Variants in AGBL1 observed in about 807,000 individuals in gnomAD.
AGBL1 encodes cytosolic carboxypeptidase 4.
A neutral mutation model predicts 118.9 loss-of-function variants in AGBL1; 130 were observed. The ratio of observed to expected loss-of-function variants is 1.09; its 90% CI spans 0.95 to 1.26. The LOEUF (loss-of-function observed/expected upper bound fraction) is 1.26. Ranked by LOEUF, AGBL1 falls within the 50% of genes most tolerant of loss-of-function variation. AGBL1 has a pLI of 0.00. For missense variants in AGBL1, 1,584 were observed against 1,298.1 expected (o/e 1.22, Z -3.38); for synonymous variants, 555 against 478.9 (o/e 1.16, Z -2.08).
chr15:86,598,464 G>T (rs905003509), intron 21 of AGBL1, among the ~76,000 whole-genome samples: 1 of 152,034 alleles, frequency 6.6e-6, no homozygotes, highest in Non-Finnish European at 1.5e-5. Context: ...TTTGATCCAA[G>T]TGCAAAATCA....
chr15:86,359,387 CTT>C (rs56189861), intron 17 of AGBL1, among the ~76,000 whole-genome samples: 23 of 93,782 alleles, frequency 2.5e-4, no homozygotes, highest in African/African-American at 8.5e-4. Context: ...TATTGGTTTT[CTT>C]TTTTTTTTTT....
At chr15:86,164,491 G>T (rs16948824) in intron 5 of AGBL1, among the ~76,000 whole-genome samples, 68,548 of 151,950 alleles carry the variant, frequency 0.45, 16,444 homozygotes, top group African/African-American at 0.61. Flanking sequence ...CACTTTCTGC[G>T]GGAGGCTGTC....
At chr15:86,880,815 C>G (rs1222108830) in intron 22 of AGBL1, among the ~76,000 whole-genome samples, 2 of 151,964 alleles carry the variant, frequency 1.3e-5, no homozygotes, top group Non-Finnish European at 2.9e-5. Flanking sequence ...ATAGGGACAT[C>G]AAAACACACA....
chr15:86,530,820 C>G (rs1596232518), intron 19 of AGBL1, among the ~76,000 whole-genome samples: 1 of 120,046 alleles, frequency 8.3e-6, no homozygotes, highest in Non-Finnish European at 1.7e-5. Context: ...CAAAGCCGCT[C>G]AACTACATGG....
At chr15:86,583,541 A>G (rs940426842) in intron 21 of AGBL1, among the ~76,000 whole-genome samples, 2 of 152,134 alleles carry the variant, frequency 1.3e-5, no homozygotes, top group African/African-American at 2.4e-5. Context: ...GTGGTATTCA[A>G]TGGTGTATAT....
chr15:87,025,305 C>T (rs2081714651), intron 24 of AGBL1, among the ~76,000 whole-genome samples: 1 of 151,982 alleles, frequency 6.6e-6, no homozygotes, highest in Non-Finnish European at 1.5e-5. Flanking sequence ...AATTAATGTA[C>T]ACAAATCAGT....
intron 16 of AGBL1, among the ~76,000 whole-genome samples, chr15:86,282,808 C>T (rs893826931): frequency 6.6e-6 from 1 of 152,096 alleles, no homozygotes; most frequent in Non-Finnish European, 1.5e-5. Context: ...GGGGGTTATG[C>T]TGAGGGGTAG....
chr15:86,454,490 G>T (rs1313466362), intron 18 of AGBL1, among the ~76,000 whole-genome samples: 1 of 152,106 alleles, frequency 6.6e-6, no homozygotes, highest in Non-Finnish European at 1.5e-5. Flanking sequence ...AAACTGAGAA[G>T]TCACCAAATA....
intron 22 of AGBL1, among the ~76,000 whole-genome samples, chr15:86,901,423 G>C (rs2080210422): frequency 6.6e-6 from 1 of 151,906 alleles, no homozygotes; most frequent in African/African-American, 2.4e-5. Context: ...AATTGTTGCA[G>C]GTGCTCTATT....
At chr15:86,251,315 A>G (rs2078812157) in intron 7 of AGBL1, among the ~76,000 whole-genome samples, 1 of 152,300 alleles carries the variant, frequency 6.6e-6, no homozygotes, top group East Asian at 1.9e-4. Flanking sequence ...TTGAGCATGC[A>G]TCAGAGTCAC....
intron 22 of AGBL1, among the ~76,000 whole-genome samples, chr15:86,902,898 T>G (rs1036495612): frequency 8.3e-4 from 127 of 152,174 alleles, no homozygotes; most frequent in African/African-American, 2.9e-3. Flanking sequence ...TTCTTTGGCT[T>G]TATCTGTTTG....
chr15:86,275,589 C>T (rs558476450), intron 15 of AGBL1, among the ~76,000 whole-genome samples: 33 of 152,298 alleles, frequency 2.2e-4, no homozygotes, highest in African/African-American at 6.3e-4. Context: ...AACCTGAGTT[C>T]GTAACTATGC....
intron 5 of AGBL1, among the ~76,000 whole-genome samples, chr15:86,203,233 C>G (rs574175120): frequency 6.6e-6 from 1 of 152,016 alleles, no homozygotes; most frequent in East Asian, 1.9e-4. Flanking sequence ...GGTACAGATT[C>G]GTTTTTGAAA....
intron 22 of AGBL1, among the ~76,000 whole-genome samples, chr15:86,795,833 AC>A (rs2078562642): frequency 6.7e-6 from 1 of 150,354 alleles, no homozygotes; most frequent in African/African-American, 2.4e-5. Flanking sequence ...TGATCCACCC[AC>A]CCCAGCCCCG....
At chr15:86,725,199 A>G (rs2086800876) in intron 22 of AGBL1, among the ~76,000 whole-genome samples, 1 of 152,256 alleles carries the variant, frequency 6.6e-6, no homozygotes. Context: ...GACAAGCTAC[A>G]GGAGAACAAA....
rs539792393 is a variant in AGBL1, at chr15:86,535,001, C to T, written c.2686-11001C>T. 3.9e-5 allele frequency among the ~76,000 whole-genome samples: 6 copies of T among 152,224 alleles called. No homozygotes were observed. In the South Asian group the frequency reaches 6.2e-4, roughly 16 times the overall value. ...CATTGAACTATATATTCAGGATCTG[C>T]GTTTTTCACTCTAGGTACACATTTA... On this transcript the variant is annotated intron_variant, in intron 19 of 22. Transcript: ENST00000614907.
At chr15:86,484,221 G>A (rs546336433) in intron 18 of AGBL1, among the ~76,000 whole-genome samples, 1 of 152,068 alleles carries the variant, frequency 6.6e-6, no homozygotes, top group South Asian at 2.1e-4. Flanking sequence ...ATTGCAAGAA[G>A]GCACAGACTT....
intron 21 of AGBL1, among the ~76,000 whole-genome samples, chr15:86,601,345 A>G (rs908896676): frequency 2.6e-5 from 4 of 152,108 alleles, no homozygotes; most frequent in African/African-American, 7.2e-5. Flanking sequence ...TTTTTAATAT[A>G]TTTACCTTTC....
intron 15 of AGBL1, among the ~76,000 whole-genome samples, chr15:86,275,446 AC>A (rs1204972700): frequency 1.3e-5 from 2 of 152,152 alleles, no homozygotes; most frequent in African/African-American, 4.8e-5. Flanking sequence ...GAAATGATAC[AC>A]CCTTGTTAAA....
Sources: gnomAD v4.1 joint callset for allele counts (sites outside exome capture counted in the v4.1 genomes callset) on GRCh38, gnomAD v4.1.1 for gene constraint, MANE v1.5 for transcripts, NCBI Gene and HGNC (gene_info 2026-07-23, HGNC 2026-07-21) for gene names.